Variants in KCNH5 observed in about 807,000 individuals in gnomAD.
KCNH5 encodes voltage-gated delayed rectifier potassium channel KCNH5.
Under a neutral mutation model 96.1 loss-of-function variants are expected in KCNH5, and 46 were observed. The ratio of observed to expected loss-of-function variants is 0.48; its 90% CI spans 0.38 to 0.61. The LOEUF is 0.61. Ranked by LOEUF, KCNH5 falls within the 20% of genes least tolerant of loss-of-function variation. The pLI is 0.00. For missense variants in KCNH5, 907 were observed against 1,225.8 expected, an observed-to-expected ratio of 0.74 and a Z score of 3.88; for synonymous variants, 439 against 449.8, an observed-to-expected ratio of 0.98 and a Z score of 0.30.
rs147239241 is a variant in KCNH5, at chr14:62,967,875, A to C, written c.942+12997T>G. ...GCCTCTATGTTAGAATCATCCCCTG[A>C]TGCTTAACAATAGGAACAATTTATC... is the stretch of plus-strand genomic sequence containing the variant. On this transcript the variant is annotated intron_variant, in intron 6 of 10. Transcript: ENST00000322893. Among the ~76,000 whole-genome samples the C allele has an allele frequency of 6.2e-4, 94 of 152,324 alleles. 6 individuals carry two copies. In the East Asian group the frequency reaches 6.6e-3, roughly 11 times the overall value.
chr14:62,729,260 T>C (rs1885000463), intron 10 of KCNH5, among the ~76,000 whole-genome samples: 1 of 152,046 alleles, frequency 6.6e-6, no homozygotes, highest in Non-Finnish European at 1.5e-5. Context: ...CTTTTTAATA[T>C]AGTTACAGTC....
At chr14:62,878,130 G>A (rs1316220834) in intron 7 of KCNH5, among the ~76,000 whole-genome samples, 1 of 148,814 alleles carries the variant, frequency 6.7e-6, no homozygotes, top group African/African-American at 2.5e-5. Context: ...TCACTCATAG[G>A]TGGGAATTGA....
chr14:62,998,725 T>C (rs1890955778), intron 4 of KCNH5, among the ~76,000 whole-genome samples: 1 of 152,246 alleles, frequency 6.6e-6, no homozygotes, highest in South Asian at 2.1e-4. Flanking sequence ...TTTAGAAACA[T>C]GTTTCATTTC....
At chr14:62,912,673 T>C (rs1889193218) in intron 7 of KCNH5, among the ~76,000 whole-genome samples, 1 of 152,178 alleles carries the variant, frequency 6.6e-6, no homozygotes, top group Admixed American at 6.5e-5. Flanking sequence ...CCCAAAGTGC[T>C]GGGACTACAG....
At chr14:63,031,096 C>T (rs1891616953) in intron 1 of KCNH5, among the ~76,000 whole-genome samples, 1 of 151,536 alleles carries the variant, frequency 6.6e-6, no homozygotes, top group South Asian at 2.1e-4. Context: ...AAATTAAAGA[C>T]TCATCCAATA....
intron 10 of KCNH5, among the ~76,000 whole-genome samples, chr14:62,739,607 T>C (rs1369578575): frequency 2.0e-5 from 3 of 152,150 alleles, no homozygotes; most frequent in Non-Finnish European, 2.9e-5. Flanking sequence ...CAAATACTTT[T>C]GATATGGAGT....
At chr14:62,970,117 G>C (rs925308093) in intron 6 of KCNH5, among the ~76,000 whole-genome samples, 7 of 141,542 alleles carry the variant, frequency 4.9e-5, no homozygotes, top group Non-Finnish European at 1.1e-4. Context: ...AAGAGAGAGA[G>C]AAGATACAAA....
intron 7 of KCNH5, among the ~76,000 whole-genome samples, chr14:62,867,957 C>T (rs1317119219): frequency 1.3e-5 from 2 of 152,270 alleles, no homozygotes; most frequent in Non-Finnish European, 1.5e-5. Context: ...ACACTTACCC[C>T]TACCTGACAT....
At chr14:62,831,103 C>A (rs1464311485) in intron 8 of KCNH5, among the ~76,000 whole-genome samples, 1 of 152,096 alleles carries the variant, frequency 6.6e-6, no homozygotes, top group Non-Finnish European at 1.5e-5. Context: ...TTAGTATTTT[C>A]CATTTAGGAC....
At chr14:62,826,705 A>G (rs1234330833) in intron 8 of KCNH5, among the ~76,000 whole-genome samples, 1 of 151,952 alleles carries the variant, frequency 6.6e-6, no homozygotes, top group African/African-American at 2.4e-5. Flanking sequence ...TTCCTTACTA[A>G]TGATATCTGT....
chr14:63,036,021 G>A (rs981308514), intron 1 of KCNH5, among the ~76,000 whole-genome samples: 1 of 152,208 alleles, frequency 6.6e-6, no homozygotes, highest in African/African-American at 2.4e-5. Context: ...GCACAGTTGA[G>A]AGCACTGCTC....
chr14:62,788,001 A>G (rs1886353688), intron 9 of KCNH5, among the ~76,000 whole-genome samples: 1 of 152,334 alleles, frequency 6.6e-6, no homozygotes, highest in East Asian at 1.9e-4. Flanking sequence ...ATCAAGGAGC[A>G]ATTTTGACTT....
intron 7 of KCNH5, among the ~76,000 whole-genome samples, chr14:62,896,361 T>C (rs2140089197): frequency 6.6e-6 from 1 of 152,314 alleles, no homozygotes; most frequent in Admixed American, 6.5e-5. Context: ...GAGATGAAAA[T>C]GCTTTAGGAT....
chr14:62,810,009 C>T (rs1404231426), intron 8 of KCNH5, among the ~76,000 whole-genome samples: 13 of 152,052 alleles, frequency 8.5e-5, no homozygotes, highest in Admixed American at 8.5e-4. Flanking sequence ...CAACAGTTGC[C>T]TAGTTCATGA....
intron 8 of KCNH5, among the ~76,000 whole-genome samples, chr14:62,822,668 G>GA (rs60393982): frequency 0.28 from 38,533 of 135,456 alleles, 5,124 homozygotes; most frequent in East Asian, 0.32. Context: ...TACGTAAAAT[G>GA]AAAAAAAAAA....
At chr14:62,827,185 G>T (rs1339501762) in intron 8 of KCNH5, among the ~76,000 whole-genome samples, 1 of 152,076 alleles carries the variant, frequency 6.6e-6, no homozygotes, top group Non-Finnish European at 1.5e-5. Context: ...TTAAAGACAG[G>T]TGTTTATATT....
At chr14:62,741,895 G>T (rs1885278225) in intron 10 of KCNH5, among the ~76,000 whole-genome samples, 1 of 152,108 alleles carries the variant, frequency 6.6e-6, no homozygotes, top group South Asian at 2.1e-4. Context: ...TGAGTTTTCT[G>T]TATCTAAAGA....
intron 1 of KCNH5, among the ~76,000 whole-genome samples, chr14:63,025,403 C>T (rs1428900474): frequency 2.0e-5 from 3 of 151,896 alleles, no homozygotes; most frequent in East Asian, 3.9e-4. Flanking sequence ...GAAATAAAGC[C>T]TTCCAAATAG....
At chr14:62,807,730 T>A (rs768715936) in intron 8 of KCNH5, among the ~76,000 whole-genome samples, 5 of 152,056 alleles carry the variant, frequency 3.3e-5, no homozygotes, top group Admixed American at 6.6e-5. Context: ...TAAATTCTTG[T>A]CCTAAAGTAA....
Sources: allele counts gnomAD v4.1 joint callset (sites outside exome capture counted in the v4.1 genomes callset), GRCh38; gene constraint gnomAD v4.1.1; transcripts MANE v1.5; gene names NCBI Gene and HGNC (gene_info 2026-07-23, HGNC 2026-07-21).